The following DNAAF9 variants were observed in gnomAD, a reference collection of about 807,000 sequenced individuals.
DNAAF9 encodes shulin.
A neutral mutation model predicts 167.0 loss-of-function variants in DNAAF9; 90 were observed. That is an observed-to-expected ratio of 0.54 (90% CI 0.45 to 0.64). DNAAF9 has a LOEUF of 0.64. Among genes scored for constraint, DNAAF9 ranks in the 30% least tolerant of loss-of-function variants. The pLI, the probability that DNAAF9 is intolerant of heterozygous loss-of-function variation, is 0.00. For synonymous variants in DNAAF9, 491 were observed against 508.8 expected (o/e 0.96, Z 0.47); for missense variants, 1,315 against 1,442.2 (o/e 0.91, Z 1.43).
At chr20:3,259,081 G>A (rs974427205) in intron 33 of DNAAF9, among the ~76,000 whole-genome samples, 1 of 152,194 alleles carries the variant, frequency 6.6e-6, no homozygotes, top group Non-Finnish European at 1.5e-5. Context: ...GCAAACAGAA[G>A]CTCAAAGACT....
At chr20:3,376,367 C>A in intron 3 of DNAAF9, 65 bp from the exon 4 acceptor site, 1 of 1,338,744 alleles carries the variant, frequency 7.5e-7, no homozygotes, top group Admixed American at 2.3e-5. Flanking sequence ...ATTTTCTGCC[C>A]ACATAATTAG....
intron 8 of DNAAF9, among the ~76,000 whole-genome samples, chr20:3,348,225 G>A (rs2070235244): frequency 6.6e-6 from 1 of 152,042 alleles, no homozygotes; most frequent in South Asian, 2.1e-4. Flanking sequence ...ACTGACAAAG[G>A]TGTGCTACTC....
intron 27 of DNAAF9, among the ~76,000 whole-genome samples, chr20:3,285,751 G>C (rs1377093758): frequency 6.6e-6 from 1 of 151,190 alleles, no homozygotes; most frequent in African/African-American, 2.4e-5. Context: ...GGCTGAGGTG[G>C]GCGGATCACC....
chr20:3,296,830 A>G, intron 23 of DNAAF9, 31 bp downstream of exon 23: 1 of 1,402,434 alleles, frequency 7.1e-7, no homozygotes, highest in South Asian at 1.2e-5. Context: ...AGCCTAGGGA[A>G]GCAAGCACAA....
intron 1 of DNAAF9, among the ~76,000 whole-genome samples, chr20:3,387,310 C>T (rs1020240602): frequency 1.3e-5 from 2 of 152,112 alleles, no homozygotes; most frequent in African/African-American, 4.8e-5. Flanking sequence ...GACAGATATA[C>T]AGACCAATGA....
At chr20:3,398,509 T>C (rs1555801022) in intron 1 of DNAAF9, among the ~76,000 whole-genome samples, 2 of 149,190 alleles carry the variant, frequency 1.3e-5, no homozygotes, top group Non-Finnish European at 3.0e-5. Context: ...TGAAAAGCAT[T>C]AAAAAAAAAA....
intron 20 of DNAAF9, among the ~76,000 whole-genome samples, chr20:3,307,979 A>AC (rs1247139026): frequency 2.1e-4 from 32 of 151,112 alleles, no homozygotes; most frequent in African/African-American, 7.5e-4. Context: ...AAAAAAAAAA[A>AC]AAAAAAAAAC....
chr20:3,310,555 C>T (rs552671749), intron 20 of DNAAF9, among the ~76,000 whole-genome samples: 2 of 151,834 alleles, frequency 1.3e-5, no homozygotes, highest in South Asian at 4.2e-4. Context: ...CCTGATGGTG[C>T]ACGCCTGTAG....
chr20:3,262,316 T>A (rs1015962925), intron 31 of DNAAF9, among the ~76,000 whole-genome samples: 1 of 151,012 alleles, frequency 6.6e-6, no homozygotes, highest in South Asian at 2.1e-4. Context: ...AGTGGTGCGA[T>A]CTTGGCTTGC....
At chr20:3,337,446 T>TTTG (rs1555793655) in intron 10 of DNAAF9, among the ~76,000 whole-genome samples, 15 of 150,588 alleles carry the variant, frequency 1.0e-4, no homozygotes, top group South Asian at 8.4e-4. Flanking sequence ...TTTTGTTTTT[T>TTTG]TTTTTTTTGG....
chr20:3,375,840 T>C (rs970854855), intron 4 of DNAAF9, among the ~76,000 whole-genome samples: 12 of 150,716 alleles, frequency 8.0e-5, no homozygotes, highest in Admixed American at 7.9e-4. Context: ...AGAGTGAGAC[T>C]CCGTCCCAGA....
intron 35 of DNAAF9, among the ~76,000 whole-genome samples, chr20:3,254,087 T>G (rs1216819571): frequency 2.6e-5 from 4 of 152,110 alleles, no homozygotes; most frequent in Non-Finnish European, 5.9e-5. Flanking sequence ...ATTTATTTAT[T>G]TATTTTTTTG....
Position 3,322,133 on chromosome 20 carries a change from C to T in DNAAF9, c.1356+84G>A, listed in dbSNP as rs369629108. ...TTCAGGTGGGGTGGGCTGCCCAAGA[C>T]CCCCACCCACTCCCACCTCCCAACT... On this transcript the variant is annotated intron_variant, in intron 16 of 36. Coordinates refer to ENST00000252032, the MANE Select transcript of DNAAF9 (RefSeq NM_001009984.3). The T allele has an allele frequency of 1.2e-4, 117 of 960,382 alleles. 4 individuals carry two copies. In the South Asian group the frequency reaches 1.4e-3, roughly 11 times the overall value. The allele number at this position is 960,382 out of a possible 1,614,324, so 59.5% of individuals were successfully genotyped here. A position where few individuals can be genotyped will look rare whatever the true frequency, so the allele number is the denominator to read the frequency against.
At chr20:3,285,647 C>A (rs2093155695) in intron 27 of DNAAF9, among the ~76,000 whole-genome samples, 1 of 148,184 alleles carries the variant, frequency 6.7e-6, no homozygotes, top group African/African-American at 2.5e-5. Context: ...CCATTGCACT[C>A]CAGCCTGGAC....
intron 23 of DNAAF9, chr20:3,295,995 TG>T: frequency 6.7e-7 from 1 of 1,498,332 alleles, no homozygotes; most frequent in Non-Finnish European, 9.3e-7. Flanking sequence ...GGAGGCACCA[TG>T]TTGTACACAT....
intron 9 of DNAAF9, among the ~76,000 whole-genome samples, chr20:3,342,139 G>T (rs1213046556): frequency 6.6e-6 from 1 of 152,144 alleles, no homozygotes; most frequent in South Asian, 2.1e-4. Flanking sequence ...ATGATCTGGT[G>T]AACTTTCTCA....
At chr20:3,253,878 C>A in intron 35 of DNAAF9, 59 bp from the exon 36 acceptor site, 1 of 952,186 alleles carries the variant, frequency 1.1e-6, no homozygotes, top group Non-Finnish European at 1.7e-6. Context: ...TTCACTCACT[C>A]ATTAAAACAA....
chr20:3,260,555 G>T (rs1185612494), intron 31 of DNAAF9, among the ~76,000 whole-genome samples: 1 of 152,118 alleles, frequency 6.6e-6, no homozygotes, highest in East Asian at 1.9e-4. Context: ...TACCTCTGAA[G>T]CCTCCCAGTC....
At chr20:3,321,744 A>T (rs189030236) in intron 16 of DNAAF9, among the ~76,000 whole-genome samples, 9,438 of 150,160 alleles carry the variant, frequency 0.063, 369 homozygotes, top group Non-Finnish European at 0.082. Flanking sequence ...AATTAAAAAA[A>T]TTTTTTTTTT....
Sources: allele counts gnomAD v4.1 joint callset (sites outside exome capture counted in the v4.1 genomes callset), GRCh38; gene constraint gnomAD v4.1.1; transcripts MANE v1.5; gene names NCBI Gene and HGNC (gene_info 2026-07-23, HGNC 2026-07-21).